Variants in CIMAP3 observed in about 807,000 individuals in gnomAD.
CIMAP3 encodes ciliary microtubule associated protein 3, also known as ciliary microtubule-associated protein 3.
At chr1:111,330,598 A>G in the CIMAP3 span, among the ~76,000 whole-genome samples, 1 of 152,184 alleles carries the variant, frequency 6.6e-6, no homozygotes, top group Non-Finnish European at 1.5e-5. Flanking sequence ...ATGCTCTGAA[A>G]TTGCAGAGTT....
the CIMAP3 span, among the ~76,000 whole-genome samples, chr1:111,338,106 T>A: frequency 1.3e-5 from 2 of 149,594 alleles, no homozygotes; most frequent in South Asian, 4.3e-4. Context: ...ACTGGGTACA[T>A]AACGAAATGA....
the CIMAP3 span, among the ~76,000 whole-genome samples, chr1:111,340,209 G>A: frequency 1.3e-5 from 2 of 151,874 alleles, no homozygotes; most frequent in African/African-American, 4.9e-5. Flanking sequence ...ATCAATTCAA[G>A]ATGGATTAAA....
the CIMAP3 span, among the ~76,000 whole-genome samples, chr1:111,336,000 A>G: frequency 6.6e-6 from 1 of 152,228 alleles, no homozygotes; most frequent in African/African-American, 2.4e-5. Context: ...CTCTGAGACA[A>G]AACTTCCAGA....
the CIMAP3 span, among the ~76,000 whole-genome samples, chr1:111,335,674 C>A: frequency 1.3e-5 from 2 of 152,366 alleles, no homozygotes; most frequent in African/African-American, 4.8e-5. Context: ...CCCAGGCTTG[C>A]TTAGGTAAAC....
the CIMAP3 span, among the ~76,000 whole-genome samples, chr1:111,331,291 T>C: frequency 1.3e-5 from 2 of 152,202 alleles, no homozygotes; most frequent in Non-Finnish European, 2.9e-5. Context: ...TTCATTTAAA[T>C]ATGTTTCCCT....
At chr1:111,348,555 C>G in the CIMAP3 span, 3 of 1,611,248 alleles carry the variant, frequency 1.9e-6, no homozygotes. Context: ...GAAAGTAAGT[C>G]CTCAGCAGGA....
the CIMAP3 span, among the ~76,000 whole-genome samples, chr1:111,333,229 C>T: frequency 6.6e-6 from 1 of 152,214 alleles, no homozygotes; most frequent in Admixed American, 6.5e-5. Flanking sequence ...GAATTGGTTT[C>T]CCTGCTGTGC....
the CIMAP3 span, among the ~76,000 whole-genome samples, chr1:111,343,594 C>T: frequency 6.6e-6 from 1 of 152,232 alleles, no homozygotes; most frequent in Non-Finnish European, 1.5e-5. Flanking sequence ...CAAAAACTGG[C>T]CTTTTGGCAA....
At chr1:111,325,032 A>G in the CIMAP3 span, 3 of 384,512 alleles carry the variant, frequency 7.8e-6, no homozygotes, top group South Asian at 2.1e-4. Context: ...AGAGTGTTCC[A>G]CTCACCAAAT....
At chr1:111,340,454 T>G in the CIMAP3 span, among the ~76,000 whole-genome samples, 1 of 151,842 alleles carries the variant, frequency 6.6e-6, no homozygotes, top group Non-Finnish European at 1.5e-5. Flanking sequence ...CGCAACCTAC[T>G]CATCTGACAA....
At chr1:111,347,639 G>GGTTTTTTTTT in the CIMAP3 span, 3 of 1,073,970 alleles carry the variant, frequency 2.8e-6, no homozygotes, top group Admixed American at 2.4e-5. Flanking sequence ...TTTTTTTTTG[G>GGTTTTTTTTT]TGTTTTTGTT....
chr1:111,333,541 G>A, the CIMAP3 span, among the ~76,000 whole-genome samples: 2 of 152,308 alleles, frequency 1.3e-5, no homozygotes, highest in Admixed American at 6.5e-5. Flanking sequence ...GAGGACTGTG[G>A]TATTCTCCTG....
chr1:111,351,170 T>TG, the CIMAP3 span: 3 of 402,384 alleles, frequency 7.5e-6, no homozygotes, highest in South Asian at 4.7e-5. Context: ...TGTACAGTTT[T>TG]TTTTTTTTTT....
the CIMAP3 span, among the ~76,000 whole-genome samples, chr1:111,329,576 T>C: frequency 2.8e-5 from 4 of 143,810 alleles, no homozygotes; most frequent in African/African-American, 1.0e-4. Context: ...TTTTTTGAGA[T>C]GGAGTTTTGC....
At chr1:111,343,706 G>A in the CIMAP3 span, among the ~76,000 whole-genome samples, 2 of 152,198 alleles carry the variant, frequency 1.3e-5, no homozygotes, top group African/African-American at 2.4e-5. Flanking sequence ...TTGACTATAC[G>A]ATGTTCGGTC....
At chr1:111,336,558 A>C in the CIMAP3 span, among the ~76,000 whole-genome samples, 1,200 of 152,310 alleles carry the variant, frequency 7.9e-3, 14 homozygotes, top group African/African-American at 0.027. Context: ...AATGCAGAAG[A>C]CTCAGGAGCC....
the CIMAP3 span, chr1:111,346,714 G>A: frequency 8.8e-6 from 14 of 1,593,900 alleles, no homozygotes; most frequent in African/African-American, 4.0e-5. Flanking sequence ...GGGCAGGTAG[G>A]GGGAAGGGTG....
At chr1:111,349,827 A>G in the CIMAP3 span, 21 of 290,220 alleles carry the variant, frequency 7.2e-5, no homozygotes, top group Middle Eastern at 9.8e-4. Context: ...GGACCTTCTC[A>G]TCTCTCAGCT....
At chr1:111,331,333 A>G in the CIMAP3 span, among the ~76,000 whole-genome samples, 1 of 152,192 alleles carries the variant, frequency 6.6e-6, no homozygotes, top group Non-Finnish European at 1.5e-5. Flanking sequence ...CAATGCCCAT[A>G]GTATGGACTT....
Sources: gnomAD v4.1 joint callset for allele counts (sites outside exome capture counted in the v4.1 genomes callset) on GRCh38, gnomAD v4.1.1 for gene constraint, MANE v1.5 for transcripts, NCBI Gene and HGNC (gene_info 2026-07-23, HGNC 2026-07-21) for gene names.